Variants in LARP4B observed in about 807,000 individuals in gnomAD.
The protein encoded by LARP4B is La ribonucleoprotein 4B, also known as la-related protein 4B.
A neutral mutation model predicts 89.8 loss-of-function variants in LARP4B; 12 were observed. That is an observed-to-expected ratio of 0.13 (90% CI 0.09 to 0.22). The LOEUF (loss-of-function observed/expected upper bound fraction) is 0.22. Ranked by LOEUF, LARP4B falls within the 10% of genes least tolerant of loss-of-function variation. The probability of loss-of-function intolerance (pLI) is 1.00; values close to 1 mark genes in which losing one functional copy is unlikely to be tolerated. For missense variants in LARP4B, 757 were observed against 947.7 expected, an observed-to-expected ratio of 0.80 and a Z score of 2.64; for synonymous variants, 367 against 363.3, an observed-to-expected ratio of 1.01 and a Z score of -0.12.
chr10:863,278 C>A (rs974517072), intron 5 of LARP4B, among the ~76,000 whole-genome samples: 11 of 150,844 alleles, frequency 7.3e-5, no homozygotes, highest in Admixed American at 2.0e-4. Context: ...GGCTGGAGTG[C>A]AGTGGCACGA....
chr10:873,229 A>T, intron 3 of LARP4B: 17 of 985,402 alleles, frequency 1.7e-5, no homozygotes, highest in Non-Finnish European at 1.9e-5. Flanking sequence ...ATAATTTCTG[A>T]GGAGAAGCCA....
At chr10:889,539 C>G (rs1588967078) in intron 1 of LARP4B, among the ~76,000 whole-genome samples, 2 of 152,220 alleles carry the variant, frequency 1.3e-5, no homozygotes, top group South Asian at 2.1e-4. Context: ...TGGCCAGGAA[C>G]TGACTTCTTT....
At chr10:958,598 C>T in the LARP4B span, among the ~76,000 whole-genome samples, 2 of 152,292 alleles carry the variant, frequency 1.3e-5, no homozygotes, top group East Asian at 1.9e-4. Context: ...TTATATCTTC[C>T]CCTAAAATTA....
At chr10:937,582 C>T in the LARP4B span, among the ~76,000 whole-genome samples, 2 of 152,106 alleles carry the variant, frequency 1.3e-5, no homozygotes, top group South Asian at 2.1e-4. Context: ...ATAATGGCGG[C>T]CTGACCCCCC....
At chr10:833,752 G>A (rs957150507) in intron 8 of LARP4B, among the ~76,000 whole-genome samples, 2 of 152,028 alleles carry the variant, frequency 1.3e-5, no homozygotes, top group African/African-American at 2.4e-5. Flanking sequence ...AGCTTGGCAT[G>A]GTGGCGCATG....
intron 1 of LARP4B, among the ~76,000 whole-genome samples, chr10:895,390 GA>G (rs968802423): frequency 6.5e-4 from 94 of 145,090 alleles, no homozygotes; most frequent in East Asian, 2.6e-3. Flanking sequence ...CAGCAGCTTA[GA>G]AAAAAAAAAA....
intron 1 of LARP4B, among the ~76,000 whole-genome samples, chr10:891,210 G>A (rs1368391206): frequency 1.3e-5 from 2 of 150,926 alleles, no homozygotes; most frequent in African/African-American, 2.4e-5. Context: ...CGAACTAACC[G>A]CAAATACAAG....
chr10:828,105 C>A (rs1413468345), intron 11 of LARP4B, among the ~76,000 whole-genome samples: 2 of 152,182 alleles, frequency 1.3e-5, no homozygotes, highest in Non-Finnish European at 2.9e-5. Flanking sequence ...CAGACACCTT[C>A]CCACAAGCAC....
chr10:865,925 C>A (rs770350423), intron 3 of LARP4B, among the ~76,000 whole-genome samples: 1 of 152,194 alleles, frequency 6.6e-6, no homozygotes, highest in Non-Finnish European at 1.5e-5. Context: ...CATAGACACA[C>A]CAGTTTCTGC....
intron 3 of LARP4B, among the ~76,000 whole-genome samples, chr10:865,181 A>G (rs761117184): frequency 2.0e-5 from 3 of 152,176 alleles, no homozygotes; most frequent in Non-Finnish European, 2.9e-5. Context: ...GAAAATCCAC[A>G]GGTGACCATG....
At chr10:959,934 C>T in the LARP4B span, among the ~76,000 whole-genome samples, 7,555 of 151,060 alleles carry the variant, frequency 0.05, 342 homozygotes, top group African/African-American at 0.13. Context: ...CCCACCTCCT[C>T]GTCAATCCCA....
the LARP4B span, among the ~76,000 whole-genome samples, chr10:939,452 A>C: frequency 1.3e-5 from 2 of 152,238 alleles, no homozygotes; most frequent in Admixed American, 1.3e-4. Flanking sequence ...TTAAAGGCCT[A>C]GGCTGCCCTG....
At chr10:902,901 G>T (rs866177908) in intron 1 of LARP4B, among the ~76,000 whole-genome samples, 2 of 152,112 alleles carry the variant, frequency 1.3e-5, no homozygotes, top group Non-Finnish European at 2.9e-5. Flanking sequence ...CCTCGGCCTC[G>T]AAAAGTGCTG....
In LARP4B at chr10:846,499, G is replaced by A. The variant is rs76283007; in HGVS notation, c.431-1444C>T. On this transcript the variant is annotated intron_variant, in intron 5 of 17. Coordinates refer to ENST00000316157, the MANE Select transcript of LARP4B (RefSeq NM_015155.3). ...GGAGCCTCAAGCACAGGGGTCCCAAGGTGGGGCCTCTCAAGGGGTAGAGTC... is the reference window on the plus strand; with the variant it reads ...GGAGCCTCAAGCACAGGGGTCCCAAAGTGGGGCCTCTCAAGGGGTAGAGTC... Among the ~76,000 whole-genome samples, 842 of 152,284 alleles carry A rather than the reference G, an allele frequency of 5.5e-3. 8 individuals are homozygous for A. Among genetic ancestry groups the A allele is most frequent in the African/African-American group, 0.019 (792 of 41,554 alleles).
intron 1 of LARP4B, among the ~76,000 whole-genome samples, chr10:912,934 A>C (rs1836710749): frequency 6.6e-6 from 1 of 152,146 alleles, no homozygotes. Context: ...AAAGAAACTG[A>C]CATCTGTAAG....
At chr10:946,222 A>G in the LARP4B span, among the ~76,000 whole-genome samples, 1 of 152,224 alleles carries the variant, frequency 6.6e-6, no homozygotes, top group African/African-American at 2.4e-5. Flanking sequence ...ACATCACAGA[A>G]TACTGAAAAT....
At chr10:941,959 A>G in the LARP4B span, among the ~76,000 whole-genome samples, 1 of 152,126 alleles carries the variant, frequency 6.6e-6, no homozygotes, top group Non-Finnish European at 1.5e-5. Flanking sequence ...TTTTTTAAAA[A>G]TCTGCATTAT....
At chr10:879,939 A>C (rs1202811430) in intron 3 of LARP4B, among the ~76,000 whole-genome samples, 1 of 151,804 alleles carries the variant, frequency 6.6e-6, no homozygotes, top group Non-Finnish European at 1.5e-5. Flanking sequence ...ACACCCAGCT[A>C]ATTTTTGTAT....
the LARP4B span, among the ~76,000 whole-genome samples, chr10:967,658 C>T: frequency 2.0e-5 from 3 of 152,192 alleles, no homozygotes; most frequent in Admixed American, 1.3e-4. Context: ...GCCAGCCTGA[C>T]ACTGGGCCAG....
Sources: gnomAD v4.1 joint callset for allele counts (sites outside exome capture counted in the v4.1 genomes callset) on GRCh38, gnomAD v4.1.1 for gene constraint, MANE v1.5 for transcripts, NCBI Gene and HGNC (gene_info 2026-07-23, HGNC 2026-07-21) for gene names.